Variants in XRCC4 observed in about 807,000 individuals in gnomAD.
XRCC4 encodes DNA repair protein XRCC4.
A neutral mutation model predicts 39.1 loss-of-function variants in XRCC4; 28 were observed. The observed-to-expected ratio is 0.72, with a 90% CI of 0.53 to 0.98. XRCC4 has a LOEUF of 0.98. Among genes scored for constraint, XRCC4 ranks in the 50% least tolerant of loss-of-function variants. The probability of loss-of-function intolerance (pLI) is 0.00; values close to 1 mark genes in which losing one functional copy is unlikely to be tolerated. For missense variants in XRCC4, 350 were observed against 376.4 expected, an observed-to-expected ratio of 0.93 and a Z score of 0.58; for synonymous variants, 123 against 126.4, an observed-to-expected ratio of 0.97 and a Z score of 0.18.
chr5:83,103,025 T>TATATATATATATATATATATACATAC (rs943955057), intron 1 of XRCC4, among the ~76,000 whole-genome samples: 3 of 142,660 alleles, frequency 2.1e-5, no homozygotes, highest in African/African-American at 8.3e-5. Context: ...TATATATATA[T>TATATATATATATATATATATACATAC]ATATATGTCA....
chr5:83,091,511 C>T (rs747627980), intron 1 of XRCC4, among the ~76,000 whole-genome samples: 8 of 152,142 alleles, frequency 5.3e-5, no homozygotes, highest in Non-Finnish European at 7.4e-5. Context: ...ACCATATCAA[C>T]TGCCCATCCT....
intron 3 of XRCC4, among the ~76,000 whole-genome samples, chr5:83,142,373 C>G (rs1402704972): frequency 6.6e-6 from 1 of 151,886 alleles, no homozygotes; most frequent in African/African-American, 2.4e-5. Context: ...AGCCAAATAG[C>G]TAGTGAGTGG....
At chr5:83,234,712 A>G (rs1382907188) in intron 6 of XRCC4, among the ~76,000 whole-genome samples, 2 of 152,130 alleles carry the variant, frequency 1.3e-5, no homozygotes, top group Admixed American at 6.6e-5. Context: ...AGGATAATGT[A>G]TGATTTACCT....
chr5:83,342,056 G>A (rs1424709200), intron 7 of XRCC4, among the ~76,000 whole-genome samples: 1 of 152,152 alleles, frequency 6.6e-6, no homozygotes, highest in African/African-American at 2.4e-5. Flanking sequence ...ACTTTCATAG[G>A]CATAGATCAA....
intron 7 of XRCC4, among the ~76,000 whole-genome samples, chr5:83,277,431 C>T (rs374293470): frequency 2.6e-5 from 4 of 152,214 alleles, no homozygotes; most frequent in South Asian, 2.1e-4. Context: ...GGAGATAGCA[C>T]GGAGTGGAGC....
chr5:83,307,331 A>G (rs2112074522), intron 7 of XRCC4, among the ~76,000 whole-genome samples: 1 of 152,296 alleles, frequency 6.6e-6, no homozygotes, highest in East Asian at 1.9e-4. Context: ...GCCCTTCCAT[A>G]AACAGTTCTG....
At chr5:83,127,895 T>TC (rs1747353054) in intron 3 of XRCC4, among the ~76,000 whole-genome samples, 1 of 135,990 alleles carries the variant, frequency 7.4e-6, no homozygotes, top group Admixed American at 7.2e-5. Context: ...TTTTTTTTTT[T>TC]CAGTACTTTA....
At chr5:83,231,076 C>A (rs1305737381) in intron 6 of XRCC4, among the ~76,000 whole-genome samples, 4 of 151,974 alleles carry the variant, frequency 2.6e-5, no homozygotes, top group African/African-American at 9.7e-5. Context: ...TAAGGAGAGG[C>A]AGCATAGCCT....
At chr5:83,275,822 G>C (rs1419932607) in intron 7 of XRCC4, among the ~76,000 whole-genome samples, 1 of 151,984 alleles carries the variant, frequency 6.6e-6, no homozygotes, top group African/African-American at 2.4e-5. Flanking sequence ...CAAATGCAAT[G>C]AAAGTAAAGA....
chr5:83,289,741 G>A (rs1056472705), intron 7 of XRCC4, among the ~76,000 whole-genome samples: 1 of 151,792 alleles, frequency 6.6e-6, no homozygotes, highest in African/African-American at 2.4e-5. Flanking sequence ...GGTGAAACAA[G>A]TTGGTAGAGG....
chr5:83,188,377 GGTC>G (rs1750548879), intron 3 of XRCC4, among the ~76,000 whole-genome samples: 1 of 151,930 alleles, frequency 6.6e-6, no homozygotes, highest in African/African-American at 2.4e-5. Flanking sequence ...CCAGATATGT[GGTC>G]AGACATTCTG....
chr5:83,373,233 C>T, the XRCC4 span, among the ~76,000 whole-genome samples: 1 of 152,100 alleles, frequency 6.6e-6, no homozygotes, highest in African/African-American at 2.4e-5. Flanking sequence ...TGCAGAAGAG[C>T]TCAAGGCTCC....
At chr5:83,300,269 A>G (rs969697062) in intron 7 of XRCC4, among the ~76,000 whole-genome samples, 1 of 152,078 alleles carries the variant, frequency 6.6e-6, no homozygotes, top group Non-Finnish European at 1.5e-5. Context: ...GTGCTTCCCA[A>G]GTCTGTAAAA....
intron 3 of XRCC4, among the ~76,000 whole-genome samples, chr5:83,171,457 A>T (rs1259035634): frequency 6.6e-6 from 1 of 152,184 alleles, no homozygotes; most frequent in African/African-American, 2.4e-5. Context: ...TGAACTTCCA[A>T]CAATTACAAT....
Position 83,111,008 on chromosome 5 carries a change from T to G in XRCC4, c.140-20T>G. 1 of 1,593,888 alleles carries G rather than the reference T, an allele frequency of 6.3e-7. No individual in the cohort carries two copies. Among genetic ancestry groups the G allele is most frequent in the Non-Finnish European group, 8.5e-7 (1 of 1,173,488 alleles). The stretch of plus-strand genomic sequence containing the variant: ...GTCATTTACTTTTCATTTTAAAACT[T>G]TTGTTAATATTTCCCATAGTTTCTG... On this transcript the variant is annotated intron_variant, in intron 2 of 7. Transcript: ENST00000396027.
intron 7 of XRCC4, among the ~76,000 whole-genome samples, chr5:83,346,082 T>C (rs1417996210): frequency 1.3e-5 from 2 of 152,176 alleles, no homozygotes; most frequent in African/African-American, 2.4e-5. Context: ...CTGGAGAAGT[T>C]TCATTATATT....
rs372233062 is a variant in XRCC4, at chr5:83,195,750, A to G, written c.316-20A>G. On this transcript the variant is annotated intron_variant, in intron 3 of 7. Transcript: ENST00000396027. Reference sequence around the variant, plus strand: ...TCTTGATATTTTCCCCAAATTAACCATGTTTTTCTTTCATTTTAGTTCAGA... The same window carrying G: ...TCTTGATATTTTCCCCAAATTAACCGTGTTTTTCTTTCATTTTAGTTCAGA... The G allele has an allele frequency of 1.1e-4, 164 of 1,534,952 alleles. No homozygotes were observed. Among genetic ancestry groups the G allele is most frequent in the Non-Finnish European group, 5.8e-5 (66 of 1,140,028 alleles).
the XRCC4 span, among the ~76,000 whole-genome samples, chr5:83,370,637 GGT>G: frequency 1.3e-5 from 2 of 152,004 alleles, no homozygotes; most frequent in Admixed American, 1.3e-4. Context: ...TCTTCAACTT[GGT>G]GTGTGTCATC....
At chr5:83,170,863 C>T (rs1043298385) in intron 3 of XRCC4, among the ~76,000 whole-genome samples, 10 of 152,190 alleles carry the variant, frequency 6.6e-5, no homozygotes, top group South Asian at 2.1e-4. Flanking sequence ...TACCAGCGGG[C>T]GGGAATCTTG....
Sources: gnomAD v4.1 joint callset for allele counts (sites outside exome capture counted in the v4.1 genomes callset) on GRCh38, gnomAD v4.1.1 for gene constraint, MANE v1.5 for transcripts, NCBI Gene and HGNC (gene_info 2026-07-23, HGNC 2026-07-21) for gene names.